CDYL2: variants seen among roughly 807,000 people sequenced by gnomAD.
CDYL2 encodes the protein chromodomain Y-like protein 2.
Under a neutral mutation model 49.4 loss-of-function variants are expected in CDYL2, and 23 were observed. That is an observed-to-expected ratio of 0.47 (90% CI 0.34 to 0.66). The LOEUF is 0.66. Among genes scored for constraint, CDYL2 ranks in the 30% least tolerant of loss-of-function variants. CDYL2 has a pLI of 0.01. For synonymous variants in CDYL2, 360 were observed against 268.8 expected, an observed-to-expected ratio of 1.34 and a Z score of -3.32; for missense variants, 678 against 656.4, an observed-to-expected ratio of 1.03 and a Z score of -0.36.
In CDYL2 at chr16:80,633,129, G is replaced by A. The variant is rs777240172; in HGVS notation, c.724C>T (p.Gln242Ter). The change falls in exon 3 of 7, where the codon CAG (glutamine) becomes TAG (stop). Residue 242 changes from glutamine (Q) to a stop codon, truncating the protein, a stop_gained. Transcript: ENST00000570137. LOFTEE classifies it high-confidence loss of function. Reference protein sequence around the residue: ...FDKRLRYSVRQNESNCRFRDI... With the variant: ...FDKRLRYSVR ...CGAAACCGACAGTTGCTTTCATTCT[G>A]GCGGACACTGTATCTGAGCCTTTTG... 1 of 1,614,170 alleles carries A rather than the reference G, an allele frequency of 6.2e-7. No homozygotes were observed. Among genetic ancestry groups the A allele is most frequent in the Non-Finnish European group, 8.5e-7 (1 of 1,180,030 alleles).
chr16:80,759,134 A>ATATATATATAG (rs1320405630), intron 1 of CDYL2, among the ~76,000 whole-genome samples: 1 of 126,632 alleles, frequency 7.9e-6, no homozygotes, highest in Non-Finnish European at 1.6e-5. Context: ...ATATATATAT[A>ATATATATATAG]TATATGGTTT....
rs76358438 is a variant in CDYL2, at chr16:80,692,880, A to G, written c.25-7751T>C. On this transcript the variant is annotated intron_variant, in intron 1 of 6. Transcript: ENST00000570137. ...ACACGCCCATAAAATGACACGATCA[A>G]TGATCAGAGCATTTTTTCTCATAAC... Among the ~76,000 whole-genome samples the G allele has an allele frequency of 8.0e-3, 1,221 of 152,348 alleles. 23 individuals are homozygous for G. Among genetic ancestry groups the G allele is most frequent in the African/African-American group, 0.028 (1,154 of 41,574 alleles).
intron 2 of CDYL2, chr16:80,639,727 G>C (rs1438181776): frequency 4.4e-6 from 2 of 455,894 alleles, no homozygotes; most frequent in Non-Finnish European, 4.4e-6. Flanking sequence ...AAGAAAAACA[G>C]TCTTGAATCA....
intron 1 of CDYL2, among the ~76,000 whole-genome samples, chr16:80,732,768 G>T (rs377137089): frequency 2.5e-4 from 38 of 152,310 alleles, no homozygotes; most frequent in African/African-American, 8.9e-4. Context: ...AGACTGTGAT[G>T]TAAGAATTTC....
At chr16:80,665,939 C>A (rs1287075571) in intron 2 of CDYL2, among the ~76,000 whole-genome samples, 1 of 152,128 alleles carries the variant, frequency 6.6e-6, no homozygotes. Context: ...CAGAATAAAA[C>A]CTAATATCCT....
intron 6 of CDYL2, among the ~76,000 whole-genome samples, chr16:80,605,762 A>G (rs1007528741): frequency 2.0e-5 from 3 of 152,186 alleles, no homozygotes; most frequent in African/African-American, 7.2e-5. Flanking sequence ...TAACTATAAT[A>G]ATGCCACTAT....
chr16:80,773,291 A>G (rs1183690585), intron 1 of CDYL2, among the ~76,000 whole-genome samples: 4 of 152,186 alleles, frequency 2.6e-5, no homozygotes, highest in African/African-American at 9.6e-5. Flanking sequence ...ATCATAAAAT[A>G]TATAATGTAA....
rs556649906 is a variant in CDYL2 at position 80,704,276 on chromosome 16, A to C, written c.25-19147T>G. Among the ~76,000 whole-genome samples the C allele has an allele frequency of 1.7e-3, 256 of 152,338 alleles. 1 individual carries two copies. Among genetic ancestry groups the C allele is most frequent in the African/African-American group, 6.0e-3 (250 of 41,582 alleles). ...ACACAGAAGCACTTGGCAAATTGAT[A>C]TTCTTCTTCTTCTTTTAAATACAAC... On this transcript the variant is annotated intron_variant, in intron 1 of 6. Coordinates refer to ENST00000570137, the MANE Select transcript of CDYL2 (RefSeq NM_152342.4).
chr16:80,675,014 G>C (rs1909685583), intron 2 of CDYL2, among the ~76,000 whole-genome samples: 1 of 152,196 alleles, frequency 6.6e-6, no homozygotes, highest in African/African-American at 2.4e-5. Context: ...ATACATGTGT[G>C]TGTGTTTTAA....
At chr16:80,648,754 C>CA (rs899362361) in intron 2 of CDYL2, among the ~76,000 whole-genome samples, 9 of 150,960 alleles carry the variant, frequency 6.0e-5, no homozygotes, top group South Asian at 2.1e-4. Context: ...AAATCCTCAA[C>CA]AAAATACTAG....
At chr16:80,748,136 AT>A (rs1905997744) in intron 1 of CDYL2, among the ~76,000 whole-genome samples, 1 of 138,390 alleles carries the variant, frequency 7.2e-6, no homozygotes, top group African/African-American at 2.7e-5. Context: ...AATAATAATA[AT>A]AATAATAATA....
intron 3 of CDYL2, among the ~76,000 whole-genome samples, chr16:80,631,046 C>T (rs776374127): frequency 7.2e-5 from 11 of 152,202 alleles, no homozygotes; most frequent in African/African-American, 1.9e-4. Context: ...AAAGGGGTCT[C>T]GGAGTTAAAT....
intron 1 of CDYL2, among the ~76,000 whole-genome samples, chr16:80,749,088 T>C (rs928279732): frequency 2.0e-5 from 3 of 152,174 alleles, no homozygotes; most frequent in African/African-American, 7.2e-5. Flanking sequence ...AAAACAGAGC[T>C]AAAGAAACTT....
chr16:80,772,994 A>G (rs1906957730), intron 1 of CDYL2, among the ~76,000 whole-genome samples: 1 of 152,202 alleles, frequency 6.6e-6, no homozygotes, highest in Admixed American at 6.5e-5. Context: ...TGGTCTAAAT[A>G]TTCCAATTAA....
intron 1 of CDYL2, among the ~76,000 whole-genome samples, chr16:80,732,532 GT>G (rs1249313971): frequency 1.3e-5 from 2 of 152,146 alleles, no homozygotes; most frequent in Non-Finnish European, 2.9e-5. Context: ...CACAAAACTG[GT>G]AACTAACTCT....
intron 1 of CDYL2, among the ~76,000 whole-genome samples, chr16:80,725,608 G>C (rs1454118295): frequency 6.6e-6 from 1 of 152,198 alleles, no homozygotes; most frequent in African/African-American, 2.4e-5. Flanking sequence ...TCCAAGAACT[G>C]TGCTTAGTTG....
chr16:80,664,821 A>ATATCC (rs1356143577), intron 2 of CDYL2, among the ~76,000 whole-genome samples: 1 of 152,130 alleles, frequency 6.6e-6, no homozygotes, highest in Non-Finnish European at 1.5e-5. Flanking sequence ...CTCAGTTTCC[A>ATATCC]TATCCGTGAA....
intron 2 of CDYL2, among the ~76,000 whole-genome samples, chr16:80,651,427 A>G (rs1215439433): frequency 6.6e-6 from 1 of 152,190 alleles, no homozygotes; most frequent in African/African-American, 2.4e-5. Context: ...TGGTTGCTAG[A>G]GGTTCCAGTG....
At chr16:80,789,158 T>C (rs1907529696) in intron 1 of CDYL2, among the ~76,000 whole-genome samples, 1 of 151,956 alleles carries the variant, frequency 6.6e-6, no homozygotes, top group Non-Finnish European at 1.5e-5. Context: ...AAGGGAACAC[T>C]CATACACTAT....
Sources: gnomAD v4.1 joint callset for allele counts (sites outside exome capture counted in the v4.1 genomes callset) on GRCh38, gnomAD v4.1.1 for gene constraint, MANE v1.5 for transcripts, NCBI Gene and HGNC (gene_info 2026-07-23, HGNC 2026-07-21) for gene names.